PLCB4: variants seen among roughly 807,000 people sequenced by gnomAD.
PLCB4 encodes the protein phospholipase C beta 4.
Under a neutral mutation model 178.8 loss-of-function variants are expected in PLCB4, and 77 were observed. The ratio of observed to expected loss-of-function variants is 0.43; its 90% CI spans 0.36 to 0.52. The LOEUF is 0.52. Among genes scored for constraint, PLCB4 ranks in the 20% least tolerant of loss-of-function variants. The probability of loss-of-function intolerance (pLI) is 0.00; values close to 1 mark genes in which losing one functional copy is unlikely to be tolerated. For synonymous variants in PLCB4, 496 were observed against 490.8 expected (o/e 1.01, Z -0.14); for missense variants, 1,024 against 1,453.4 (o/e 0.70, Z 4.80).
At chr20:9,314,300 A>G (rs968678289) in intron 4 of PLCB4, among the ~76,000 whole-genome samples, 1 of 152,150 alleles carries the variant, frequency 6.6e-6, no homozygotes, top group Non-Finnish European at 1.5e-5. Flanking sequence ...TGACAAGTGG[A>G]TGTGGCTGGA....
At chr20:9,372,063 G>C (rs1010117937) in intron 10 of PLCB4, among the ~76,000 whole-genome samples, 1 of 152,152 alleles carries the variant, frequency 6.6e-6, no homozygotes, top group African/African-American at 2.4e-5. Context: ...GCTGTAGCCA[G>C]GTGTTCGCAC....
chr20:9,375,457 G>T (rs2036589283), intron 12 of PLCB4, among the ~76,000 whole-genome samples: 1 of 152,148 alleles, frequency 6.6e-6, no homozygotes, highest in Non-Finnish European at 1.5e-5. Context: ...CCCTGTGAAG[G>T]TTCCTTGTGA....
intron 2 of PLCB4, among the ~76,000 whole-genome samples, chr20:9,176,623 A>C (rs1442122032): frequency 6.6e-6 from 1 of 152,200 alleles, no homozygotes; most frequent in East Asian, 1.9e-4. Context: ...ATATTTTATT[A>C]TATCATATGA....
At chr20:9,180,451 AG>A (rs775168048) in intron 2 of PLCB4, among the ~76,000 whole-genome samples, 5 of 152,330 alleles carry the variant, frequency 3.3e-5, no homozygotes, top group Admixed American at 6.5e-5. Context: ...TTTATTAGTT[AG>A]TGATCATATG....
intron 36 of PLCB4, among the ~76,000 whole-genome samples, chr20:9,471,362 T>C (rs1314950262): frequency 2.0e-5 from 3 of 151,716 alleles, no homozygotes; most frequent in Non-Finnish European, 4.4e-5. Context: ...AAAAGCTTAT[T>C]TGAAAAGAAT....
At chr20:9,378,183 T>C (rs1370599953) in intron 12 of PLCB4, among the ~76,000 whole-genome samples, 2 of 152,198 alleles carry the variant, frequency 1.3e-5, no homozygotes, top group African/African-American at 4.8e-5. Flanking sequence ...CCCTTTTTTC[T>C]CTCATTTTTT....
chr20:9,174,247 TCCTC>T (rs2093115650), intron 2 of PLCB4, among the ~76,000 whole-genome samples: 1 of 151,904 alleles, frequency 6.6e-6, no homozygotes. Flanking sequence ...CAAGGAATCC[TCCTC>T]CCTCAGCCTC....
chr20:9,474,592 A>G (rs554958131), intron 38 of PLCB4, among the ~76,000 whole-genome samples: 21 of 152,312 alleles, frequency 1.4e-4, no homozygotes, highest in Non-Finnish European at 2.9e-4. Flanking sequence ...ATCCTATTTA[A>G]GGAATACTTT....
intron 2 of PLCB4, among the ~76,000 whole-genome samples, chr20:9,161,487 C>A (rs1385550315): frequency 6.6e-6 from 1 of 152,216 alleles, no homozygotes. Flanking sequence ...GCTGCTCTTA[C>A]CTACCATGTT....
At chr20:9,445,476 C>A (rs997559026) in intron 32 of PLCB4, among the ~76,000 whole-genome samples, 15 of 152,186 alleles carry the variant, frequency 9.9e-5, no homozygotes, top group South Asian at 2.1e-4. Flanking sequence ...GGAACCCTGT[C>A]CCCTGTCATT....
chr20:9,422,339 G>A (rs2040701128), intron 27 of PLCB4, among the ~76,000 whole-genome samples: 2 of 152,292 alleles, frequency 1.3e-5, no homozygotes, highest in South Asian at 4.1e-4. Context: ...GATGAAACAG[G>A]CCATTTTGAC....
intron 7 of PLCB4, among the ~76,000 whole-genome samples, chr20:9,350,563 T>C (rs2034238567): frequency 6.6e-6 from 1 of 152,084 alleles, no homozygotes; most frequent in Admixed American, 6.6e-5. Flanking sequence ...TTTCTTTTTC[T>C]CTTTTTTTTT....
At chr20:9,371,373 T>C in intron 10 of PLCB4, 78 bp downstream of exon 10, 1 of 725,550 alleles carries the variant, frequency 1.4e-6, no homozygotes, top group Non-Finnish European at 2.4e-6. Context: ...CTAGATTATT[T>C]ATATTAAACT....
intron 3 of PLCB4, among the ~76,000 whole-genome samples, chr20:9,285,215 T>C (rs1037496212): frequency 3.3e-5 from 5 of 151,910 alleles, no homozygotes; most frequent in African/African-American, 1.2e-4. Flanking sequence ...AATGTAATTA[T>C]AGTCAGTTTA....
chr20:9,174,147 T>C (rs2093114013), intron 2 of PLCB4, among the ~76,000 whole-genome samples: 1 of 152,104 alleles, frequency 6.6e-6, no homozygotes, highest in African/African-American at 2.4e-5. Flanking sequence ...TTTGTTTTGT[T>C]TTTTTCTCCT....
At chr20:9,134,871 C>T (rs747944724) in intron 2 of PLCB4, among the ~76,000 whole-genome samples, 1 of 152,002 alleles carries the variant, frequency 6.6e-6, no homozygotes, top group Admixed American at 6.6e-5. Context: ...AGCTAGAAAT[C>T]GTAGTTTTAT....
chr20:9,418,636 G>A (rs1448756919), intron 25 of PLCB4, among the ~76,000 whole-genome samples: 1 of 152,028 alleles, frequency 6.6e-6, no homozygotes, highest in Non-Finnish European at 1.5e-5. Flanking sequence ...TTTTAACATT[G>A]TTTTGGCTAT....
chr20:9,411,313 T>TCC (rs1260644282), intron 25 of PLCB4, among the ~76,000 whole-genome samples: 5 of 152,214 alleles, frequency 3.3e-5, no homozygotes, highest in African/African-American at 1.2e-4. Context: ...GTGAAGCAGT[T>TCC]CATACATATG....
At chr20:9,122,598 C>G (rs2091994747) in intron 2 of PLCB4, among the ~76,000 whole-genome samples, 1 of 152,132 alleles carries the variant, frequency 6.6e-6, no homozygotes, top group Non-Finnish European at 1.5e-5. Flanking sequence ...GCCATGCACT[C>G]TTAATGTACA....
Sources: allele counts gnomAD v4.1 joint callset (sites outside exome capture counted in the v4.1 genomes callset), GRCh38; gene constraint gnomAD v4.1.1; transcripts MANE v1.5; gene names NCBI Gene and HGNC (gene_info 2026-07-23, HGNC 2026-07-21).